SLC24A4: variants seen among roughly 807,000 people sequenced by gnomAD.
SLC24A4 encodes sodium/potassium/calcium exchanger 4.
In SLC24A4, 53 loss-of-function variants were observed where a neutral mutation model predicts 79.0. That is an observed-to-expected ratio of 0.67 (90% CI 0.54 to 0.84). SLC24A4 has a LOEUF of 0.84. Among genes scored for constraint, SLC24A4 ranks in the 40% least tolerant of loss-of-function variants. The pLI, the probability that SLC24A4 is intolerant of heterozygous loss-of-function variation, is 0.00. For synonymous variants in SLC24A4, 323 were observed against 323.8 expected, an observed-to-expected ratio of 1.00 and a Z score of 0.03; for missense variants, 731 against 822.0, an observed-to-expected ratio of 0.89 and a Z score of 1.35.
At chr14:92,491,818 A>G (rs1895686438) in intron 15 of SLC24A4, 41 bp downstream of exon 15, 1 of 1,516,832 alleles carries the variant, frequency 6.6e-7, no homozygotes, top group Non-Finnish European at 9.2e-7. Context: ...TTTACCCAGA[A>G]GGCTAGTGGT....
intron 12 of SLC24A4, among the ~76,000 whole-genome samples, chr14:92,463,494 C>T (rs530385467): frequency 3.4e-4 from 52 of 152,216 alleles, no homozygotes; most frequent in African/African-American, 9.9e-4. Flanking sequence ...ACCTTGGTCT[C>T]GGAAGCCACC....
In SLC24A4 at chr14:92,443,494, C is replaced by A; in HGVS notation, c.657+20C>A. 1 of 1,613,854 alleles carries A rather than the reference C, an allele frequency of 6.2e-7. No individual in the cohort carries two copies. The highest frequency in any genetic ancestry group is 8.5e-7 in the Non-Finnish European group (1 of 1,179,748). On this transcript the variant is annotated intron_variant, in intron 7 of 16. Coordinates refer to ENST00000532405, the MANE Select transcript of SLC24A4 (RefSeq NM_153646.4). ...ATCGTGGTGAGTTGCCCCTCTGCCC[C>A]CAAGGTCAGGTTGGCTGGGACCCTG...
chr14:92,403,594 C>T (rs998365273), intron 2 of SLC24A4, among the ~76,000 whole-genome samples: 4 of 145,466 alleles, frequency 2.7e-5, no homozygotes, highest in South Asian at 2.2e-4. Context: ...GGTGACAGAG[C>T]GAGACTCCAT....
chr14:92,341,948 C>T (rs938071670), intron 2 of SLC24A4, among the ~76,000 whole-genome samples: 13 of 152,180 alleles, frequency 8.5e-5, no homozygotes, highest in African/African-American at 7.2e-5. Flanking sequence ...CCTTAGCCAG[C>T]TAAGATTCCG....
intron 2 of SLC24A4, among the ~76,000 whole-genome samples, chr14:92,416,415 G>A (rs565964927): frequency 3.9e-5 from 6 of 152,282 alleles, no homozygotes; most frequent in African/African-American, 9.6e-5. Flanking sequence ...ACTTTATGCT[G>A]TCCTCTTCCT....
intron 7 of SLC24A4, among the ~76,000 whole-genome samples, chr14:92,445,010 G>A (rs1221932992): frequency 1.3e-5 from 2 of 150,572 alleles, no homozygotes; most frequent in Admixed American, 1.3e-4. Flanking sequence ...CTTGATTGTA[G>A]CAACTCTACT....
intron 2 of SLC24A4, among the ~76,000 whole-genome samples, chr14:92,343,085 G>A (rs965683211): frequency 1.3e-5 from 2 of 152,198 alleles, no homozygotes; most frequent in African/African-American, 2.4e-5. Context: ...CCGCCTGTCC[G>A]AGACAGCTGC....
chr14:92,422,710 G>C (rs1891352164), intron 2 of SLC24A4, among the ~76,000 whole-genome samples: 1 of 152,232 alleles, frequency 6.6e-6, no homozygotes, highest in African/African-American at 2.4e-5. Flanking sequence ...CCTTAATGAT[G>C]CCTGTCCTTT....
intron 14 of SLC24A4, among the ~76,000 whole-genome samples, chr14:92,491,443 C>G (rs74707844): frequency 0.01 from 1,598 of 152,266 alleles, 40 homozygotes; most frequent in African/African-American, 0.037. Flanking sequence ...AGGGTTAGAA[C>G]TTCAACATAT....
intron 2 of SLC24A4, among the ~76,000 whole-genome samples, chr14:92,410,285 G>A (rs1459670238): frequency 6.6e-6 from 1 of 152,162 alleles, no homozygotes; most frequent in African/African-American, 2.4e-5. Flanking sequence ...GGGCTCAAGT[G>A]ATCCTCCTGC....
intron 2 of SLC24A4, among the ~76,000 whole-genome samples, chr14:92,431,415 A>G (rs1040267650): frequency 2.6e-5 from 4 of 152,194 alleles, no homozygotes; most frequent in African/African-American, 9.6e-5. Flanking sequence ...GAGACAGTGC[A>G]CGGAACAGCT....
intron 12 of SLC24A4, among the ~76,000 whole-genome samples, chr14:92,470,612 C>G (rs1417851512): frequency 6.6e-6 from 1 of 152,030 alleles, no homozygotes; most frequent in Admixed American, 6.6e-5. Flanking sequence ...CGGCAGCCCT[C>G]CGTTCTCTTG....
chr14:92,423,886 G>A (rs1426122196), intron 2 of SLC24A4, among the ~76,000 whole-genome samples: 1 of 152,192 alleles, frequency 6.6e-6, no homozygotes, highest in Non-Finnish European at 1.5e-5. Context: ...AGAACACACT[G>A]GGTGACCTAA....
chr14:92,379,992 G>C (rs1042800643), intron 2 of SLC24A4, among the ~76,000 whole-genome samples: 3 of 152,166 alleles, frequency 2.0e-5, no homozygotes, highest in African/African-American at 7.2e-5. Flanking sequence ...TGGGGTACTG[G>C]GGTAGTGTCC....
At chr14:92,408,572 C>A in intron 2 of SLC24A4, 1 of 264,242 alleles carries the variant, frequency 3.8e-6, no homozygotes, top group Non-Finnish European at 5.9e-6. Flanking sequence ...TCTGGCTGTC[C>A]TGTTTACAGG....
chr14:92,362,022 G>A (rs1420532571), intron 2 of SLC24A4, among the ~76,000 whole-genome samples: 1 of 152,190 alleles, frequency 6.6e-6, no homozygotes. Flanking sequence ...AGAAGTATTT[G>A]TTGAAATAAT....
chr14:92,433,810 A>T (rs947717833), intron 2 of SLC24A4, 102 bp from the exon 3 acceptor site: 2 of 950,166 alleles, frequency 2.1e-6, no homozygotes, highest in Non-Finnish European at 3.5e-6. Flanking sequence ...GTCCAAAGCG[A>T]GGTGGGCTCT....
In SLC24A4 at chr14:92,414,338, C is replaced by G. The variant is rs1398248998; in HGVS notation, c.242-19574C>G. 2.0e-5 allele frequency among the ~76,000 whole-genome samples: 3 copies of G among 151,862 alleles called. No homozygotes were observed. In the East Asian group the frequency reaches 5.8e-4, roughly 29 times the overall value. ...TAGGGGGTGAGGGGGACAATCACCC[C>G]TGGCTGAGCACTGCTTCCCCACATG... On this transcript the variant is annotated intron_variant, in intron 2 of 16. Coordinates refer to ENST00000532405, the MANE Select transcript of SLC24A4 (RefSeq NM_153646.4).
chr14:92,330,875 G>A (rs1454022909), intron 2 of SLC24A4, among the ~76,000 whole-genome samples: 1 of 152,150 alleles, frequency 6.6e-6, no homozygotes, highest in African/African-American at 2.4e-5. Flanking sequence ...TGTGAGTTCA[G>A]GCTTCAAACT....
Sources: allele counts gnomAD v4.1 joint callset (sites outside exome capture counted in the v4.1 genomes callset), GRCh38; gene constraint gnomAD v4.1.1; transcripts MANE v1.5; gene names NCBI Gene and HGNC (gene_info 2026-07-23, HGNC 2026-07-21).